Variants in SMYD3 observed in about 807,000 individuals in gnomAD.
The protein encoded by SMYD3 is histone-lysine N-methyltransferase SMYD3.
Under a neutral mutation model 57.7 loss-of-function variants are expected in SMYD3, and 36 were observed. The observed-to-expected ratio is 0.62, with a 90% CI of 0.48 to 0.82. The LOEUF is 0.82. Ranked by LOEUF, SMYD3 falls within the 40% of genes least tolerant of loss-of-function variation. The pLI, the probability that SMYD3 is intolerant of heterozygous loss-of-function variation, is 0.00. For synonymous variants in SMYD3, 211 were observed against 195.0 expected (o/e 1.08, Z -0.68); for missense variants, 515 against 538.8 (o/e 0.96, Z 0.44).
chr1:246,011,274 G>C lies in SMYD3; in HGVS notation c.532-81337C>G, dbSNP rs146015504. On this transcript the variant is annotated intron_variant, in intron 5 of 11. Coordinates refer to ENST00000490107, the MANE Select transcript of SMYD3 (RefSeq NM_001167740.2). Reference sequence around the variant, plus strand: ...CAAACACCACCTTCCTCCTCTCTGGGACTTCATATTATTTCATTTTCTTTT... The same window carrying C: ...CAAACACCACCTTCCTCCTCTCTGGCACTTCATATTATTTCATTTTCTTTT... Among the ~76,000 whole-genome samples the C allele has an allele frequency of 3.8e-3, 576 of 152,168 alleles. 1 individual carries two copies. The highest frequency in any genetic ancestry group is 6.0e-3 in the Non-Finnish European group (405 of 68,008).
At chr1:246,037,987 G>T (rs530211830) in intron 5 of SMYD3, among the ~76,000 whole-genome samples, 1 of 152,320 alleles carries the variant, frequency 6.6e-6, no homozygotes, top group African/African-American at 2.4e-5. Context: ...ACCATAGGGT[G>T]AAAGCAGCCA....
chr1:245,989,010 G>A (rs1333906121), intron 5 of SMYD3, among the ~76,000 whole-genome samples: 2 of 152,318 alleles, frequency 1.3e-5, no homozygotes, highest in African/African-American at 2.4e-5. Flanking sequence ...TTTAAGCCTT[G>A]AGGTTGTTTT....
At chr1:246,418,401 C>T (rs2067094911) in intron 1 of SMYD3, among the ~76,000 whole-genome samples, 2 of 152,156 alleles carry the variant, frequency 1.3e-5, no homozygotes, top group African/African-American at 4.8e-5. Flanking sequence ...CGTTGTGGGG[C>T]TCGGACCCCA....
intron 5 of SMYD3, among the ~76,000 whole-genome samples, chr1:246,204,435 G>A (rs780790862): frequency 5.3e-5 from 8 of 152,158 alleles, no homozygotes; most frequent in Non-Finnish European, 1.2e-4. Context: ...TTCCAGTGCT[G>A]AGCACTGTGT....
chr1:245,846,123 T>C (rs1052111704), intron 10 of SMYD3, among the ~76,000 whole-genome samples: 1 of 152,326 alleles, frequency 6.6e-6, no homozygotes. Context: ...CTGGAAGCCA[T>C]CTGTCTCACC....
intron 5 of SMYD3, among the ~76,000 whole-genome samples, chr1:246,229,428 C>T (rs7514758): frequency 0.059 from 9,022 of 152,246 alleles, 436 homozygotes; most frequent in African/African-American, 0.12. Flanking sequence ...CAATAATTTA[C>T]TTAATCCTAT....
In SMYD3 at chr1:246,327,317, C is replaced by CT; in HGVS notation, c.414dup (p.Asp139ArgfsTer2). 1.2e-6 allele frequency: 2 copies of CT among 1,612,694 alleles called. No individual in the cohort carries two copies. The highest frequency in any genetic ancestry group is 1.7e-6 in the Non-Finnish European group (2 of 1,179,548). ...AGTTGCCTGAGGCCCTCTTTCTTAT[C>CT]TTCAGTCAGTTTGTTAATATCTTTT... On this transcript the variant is annotated frameshift_variant, in exon 5 of 12. Transcript: ENST00000490107. LOFTEE classifies it high-confidence loss of function.
chr1:245,750,425 A>G (rs2045288963), intron 11 of SMYD3, among the ~76,000 whole-genome samples: 1 of 152,192 alleles, frequency 6.6e-6, no homozygotes. Context: ...CTTTCAAGTC[A>G]TTCTAGACAA....
At chr1:246,142,429 T>C (rs2061771601) in intron 5 of SMYD3, among the ~76,000 whole-genome samples, 1 of 152,152 alleles carries the variant, frequency 6.6e-6, no homozygotes, top group Non-Finnish European at 1.5e-5. Flanking sequence ...CTTTTTGGCA[T>C]ATCCAAATTG....
intron 10 of SMYD3, among the ~76,000 whole-genome samples, chr1:245,818,235 G>A (rs1381048255): frequency 6.6e-6 from 1 of 152,168 alleles, no homozygotes; most frequent in African/African-American, 2.4e-5. Flanking sequence ...AGAGTGGGGA[G>A]CAATATTCAA....
chr1:246,426,731 T>C (rs765130051), intron 1 of SMYD3, among the ~76,000 whole-genome samples: 8 of 152,210 alleles, frequency 5.3e-5, no homozygotes, highest in Non-Finnish European at 1.0e-4. Flanking sequence ...TGTGGGAATA[T>C]TCTTAGTGTC....
Position 246,155,699 on chromosome 1 carries a change from G to A in SMYD3, c.531+171502C>T, listed in dbSNP as rs151174922. Reference sequence around the variant, plus strand: ...GTTAGCACCAAGAACTACACATCTCGCCAGGTACAGGGGCTCGTGCCTGTA... The same window carrying A: ...GTTAGCACCAAGAACTACACATCTCACCAGGTACAGGGGCTCGTGCCTGTA... On this transcript the variant is annotated intron_variant, in intron 5 of 11. Coordinates refer to ENST00000490107, the MANE Select transcript of SMYD3 (RefSeq NM_001167740.2). 1.9e-3 allele frequency among the ~76,000 whole-genome samples: 293 copies of A among 152,240 alleles called. 3 individuals are homozygous for A. The highest frequency in any genetic ancestry group is 6.8e-3 in the Middle Eastern group (2 of 294).
intron 5 of SMYD3, among the ~76,000 whole-genome samples, chr1:246,316,180 T>C (rs2065153047): frequency 1.3e-5 from 2 of 152,216 alleles, no homozygotes; most frequent in East Asian, 1.9e-4. Context: ...TAATAGAAAA[T>C]TTTATCTTTA....
intron 5 of SMYD3, chr1:246,178,988 T>A (rs1423666226): frequency 6.5e-6 from 1 of 152,746 alleles, no homozygotes; most frequent in Non-Finnish European, 1.5e-5. Context: ...ACAGTTTAAG[T>A]CAAACTTTTC....
At chr1:245,921,998 T>C (rs1023704907) in intron 7 of SMYD3, among the ~76,000 whole-genome samples, 2 of 152,162 alleles carry the variant, frequency 1.3e-5, no homozygotes, top group Non-Finnish European at 2.9e-5. Context: ...GTTGAAATTA[T>C]TTTTTTAAAA....
chr1:246,087,986 C>T (rs2060747981), intron 5 of SMYD3, among the ~76,000 whole-genome samples: 1 of 152,004 alleles, frequency 6.6e-6, no homozygotes, highest in Non-Finnish European at 1.5e-5. Context: ...AAAAAACATA[C>T]ATCTCACTAA....
intron 5 of SMYD3, among the ~76,000 whole-genome samples, chr1:246,089,116 C>T (rs536830650): frequency 5.1e-4 from 78 of 152,066 alleles, no homozygotes; most frequent in Non-Finnish European, 9.6e-4. Flanking sequence ...TACCTGGGAC[C>T]ACAGGCATGC....
intron 1 of SMYD3, among the ~76,000 whole-genome samples, chr1:246,430,980 G>T (rs1558461658): frequency 6.6e-6 from 1 of 152,292 alleles, no homozygotes; most frequent in East Asian, 1.9e-4. Flanking sequence ...GATAGAATAA[G>T]AACTGAAACA....
intron 5 of SMYD3, among the ~76,000 whole-genome samples, chr1:246,112,925 T>A (rs2061271938): frequency 6.6e-6 from 1 of 152,174 alleles, no homozygotes; most frequent in Non-Finnish European, 1.5e-5. Flanking sequence ...CTCACGCCTG[T>A]AATCCCAGCA....
Sources: gnomAD v4.1 joint callset for allele counts (sites outside exome capture counted in the v4.1 genomes callset) on GRCh38, gnomAD v4.1.1 for gene constraint, MANE v1.5 for transcripts, NCBI Gene and HGNC (gene_info 2026-07-23, HGNC 2026-07-21) for gene names.